Variants in RARA observed in about 807,000 individuals in gnomAD.
RARA encodes the protein PML-DDX5-RARA fusion.
RARA carries 5 observed loss-of-function variants against 42.8 expected under a neutral mutation model. The observed-to-expected ratio is 0.12, with a 90% CI of 0.06 to 0.25. RARA has a LOEUF of 0.25. Ranked by LOEUF, RARA falls within the 10% of genes least tolerant of loss-of-function variation. The pLI, the probability that RARA is intolerant of heterozygous loss-of-function variation, is 1.00. For synonymous variants in RARA, 256 were observed against 259.5 expected (o/e 0.99, Z 0.13); for missense variants, 402 against 628.7 (o/e 0.64, Z 3.86).
chr17:40,341,857 C>G, intron 2 of RARA: 1 of 1,041,642 alleles, frequency 9.6e-7, no homozygotes, highest in Non-Finnish European at 1.2e-6. Flanking sequence ...GCCCGCCCCT[C>G]TTCCGTCCTT....
At position 40,317,898 on chromosome 17, in the gene RARA, G is replaced by C. The variant is rs1170105717; in HGVS notation, c.-363+8612G>C. On this transcript the variant is annotated intron_variant, in intron 1 of 8. Transcript: ENST00000254066. ...GCCGCCGCCTCACTTCTCAGATTTAGGTGTGGGTGTGTGTGTGGTTGGGGG... is the reference window on the plus strand; with the variant it reads ...GCCGCCGCCTCACTTCTCAGATTTACGTGTGGGTGTGTGTGTGGTTGGGGG... Among the ~76,000 whole-genome samples the C allele has an allele frequency of 2.0e-5, 3 of 152,104 alleles. No individual in the cohort carries two copies. The East Asian group carries it at 5.8e-4, about 29-fold the overall frequency.
chr17:40,315,189 C>CACACACAA (rs1454556268), intron 1 of RARA, among the ~76,000 whole-genome samples: 8 of 143,390 alleles, frequency 5.6e-5, no homozygotes, highest in African/African-American at 1.8e-4. Flanking sequence ...CACACACACA[C>CACACACAA]ACACACGTAT....
At position 40,356,353 on chromosome 17, in the gene RARA, C is replaced by A; in HGVS notation, c.*127C>A. ...TCCCGGGCAGTACTGGGGACCTTCC[C>A]TGGGGGACGGGGAGGGAGGAGGCAG... On this transcript the variant is annotated 3_prime_UTR_variant, in exon 9 of 9. Transcript: ENST00000254066. 4 of 1,078,856 alleles carry A rather than the reference C, an allele frequency of 3.7e-6. No homozygotes were observed. Among genetic ancestry groups the A allele is most frequent in the Non-Finnish European group, 5.5e-6 (4 of 728,010 alleles). 66.8% of individuals were successfully genotyped at this position (1,078,856 alleles called of 1,614,324 possible). A position where few individuals can be genotyped will look rare whatever the true frequency, so the allele number is the denominator to read the frequency against.
intron 1 of RARA, among the ~76,000 whole-genome samples, chr17:40,311,707 G>A (rs1009451855): frequency 6.6e-6 from 1 of 152,142 alleles, no homozygotes; most frequent in African/African-American, 2.4e-5. Context: ...TGCCTGTGGT[G>A]CAGGGCTCCC....
intron 2 of RARA, chr17:40,343,089 A>G (rs1483657705): frequency 2.4e-6 from 2 of 822,040 alleles, no homozygotes; most frequent in Non-Finnish European, 3.3e-6. Flanking sequence ...AGGAACTTTG[A>G]GAGTTCCTTC....
chr17:40,321,919 C>G (rs1223330032), intron 1 of RARA, among the ~76,000 whole-genome samples: 1 of 152,146 alleles, frequency 6.6e-6, no homozygotes, highest in Non-Finnish European at 1.5e-5. Context: ...GGATGATGCC[C>G]CTGTCCTGCC....
chr17:40,355,935 G>T lies in RARA; in HGVS notation c.1172-74G>T, dbSNP rs993088963. Reference sequence around the variant, plus strand: ...TCAGCAGTATTGATCTTCCCACCTCGAGCCAGGCTTGCTGGGGCTGGGGGT... The same window carrying T: ...TCAGCAGTATTGATCTTCCCACCTCTAGCCAGGCTTGCTGGGGCTGGGGGT... On this transcript the variant is annotated intron_variant, in intron 8 of 8. Transcript: ENST00000254066. This position sits in a 1 kb window ranked among gnomAD's most constrained non-coding sequence, Gnocchi z 4.1. 35 of 1,346,690 alleles carry T rather than the reference G, an allele frequency of 2.6e-5. No individual in the cohort carries two copies. The highest frequency in any genetic ancestry group is 3.4e-5 in the Non-Finnish European group (33 of 983,038). 83.4% of individuals were successfully genotyped at this position (1,346,690 alleles called of 1,614,324 possible).
intron 1 of RARA, among the ~76,000 whole-genome samples, chr17:40,315,125 TA>T: frequency 1.5e-5 from 1 of 65,564 alleles, no homozygotes. Context: ...TATATATGCT[TA>T]TATGTGTATA....
In RARA at chr17:40,356,274, C is replaced by T. The variant is rs755468217; in HGVS notation, c.*48C>T. 8 of 1,522,894 alleles carry T rather than the reference C, an allele frequency of 5.3e-6. No homozygotes were observed. The highest frequency in any genetic ancestry group is 3.6e-6 in the Non-Finnish European group (4 of 1,124,338). 94.3% of individuals were successfully genotyped at this position (1,522,894 alleles called of 1,614,324 possible). The stretch of plus-strand genomic sequence containing the variant: ...GCCCTCGCCCTCCGCCCCGGCTTTT[C>T]TCTGCCTTTCTACCGACCATGTGAC... On this transcript the variant is annotated 3_prime_UTR_variant, in exon 9 of 9. Coordinates refer to ENST00000254066, the MANE Select transcript of RARA (RefSeq NM_000964.4).
In RARA at chr17:40,309,290, G is replaced by C. The variant is rs2033051261; in HGVS notation, c.-363+4G>C. On this transcript the variant is annotated splice_donor_region_variant and intron_variant, in intron 1 of 8. Transcript: ENST00000254066. Reference sequence around the variant, plus strand: ...CTGCCAGCACACACCTGAGCAGGTAGGACCATGCACACCCCTTCCCAATTC... The same window carrying C: ...CTGCCAGCACACACCTGAGCAGGTACGACCATGCACACCCCTTCCCAATTC... 6.6e-6 allele frequency: 1 copy of C among 152,498 alleles called. No homozygotes were observed. Among genetic ancestry groups the C allele is most frequent in the Non-Finnish European group, 1.5e-5 (1 of 68,248 alleles). 9.4% of individuals were successfully genotyped at this position (152,498 alleles called of 1,614,324 possible).
At chr17:40,317,908 T>C (rs577388719) in intron 1 of RARA, among the ~76,000 whole-genome samples, 47 of 152,214 alleles carry the variant, frequency 3.1e-4, no homozygotes, top group Non-Finnish European at 6.6e-4. Context: ...GGTGTGGGTG[T>C]GTGTGTGGTT....
At chr17:40,349,596 G>A (rs1218211594) in intron 3 of RARA, 188 bp from the exon 4 acceptor site, 2 of 657,410 alleles carry the variant, frequency 3.0e-6, no homozygotes, top group Non-Finnish European at 5.1e-6. Context: ...CAGGTACTGG[G>A]ATTCTCCTGA....
chr17:40,349,968 G>T (rs2034389889), intron 4 of RARA, 43 bp downstream of exon 4: 3 of 1,606,702 alleles, frequency 1.9e-6, no homozygotes, highest in African/African-American at 1.3e-5. Context: ...CTCAGTTGGG[G>T]TCTCAGATGC....
intron 2 of RARA, chr17:40,342,154 G>T: frequency 9.6e-7 from 1 of 1,046,206 alleles, no homozygotes; most frequent in Non-Finnish European, 1.2e-6. Context: ...GCTGGGGTGG[G>T]GGGGCCGTGG....
intron 1 of RARA, among the ~76,000 whole-genome samples, chr17:40,315,132 G>GTGTATATATA (rs1491257905): frequency 1.6e-5 from 1 of 64,194 alleles, no homozygotes; most frequent in Non-Finnish European, 2.7e-5. Flanking sequence ...GCTTATATGT[G>GTGTATATATA]TATATATATA....
intron 1 of RARA, among the ~76,000 whole-genome samples, chr17:40,317,262 C>T (rs1281231112): frequency 6.6e-6 from 1 of 152,032 alleles, no homozygotes; most frequent in Non-Finnish European, 1.5e-5. Flanking sequence ...ACTTCTCTGC[C>T]TGGGAACAGG....
chr17:40,345,504 C>A lies in RARA; in HGVS notation c.179-2812C>A, dbSNP rs936375450. On this transcript the variant is annotated intron_variant, in intron 2 of 8. Transcript: ENST00000254066. The surrounding 1 kb of genome is among the most constrained non-coding windows in gnomAD (Gnocchi z 4.8). ...GAACGGCTCGGGGGCGTGGGGAATC[C>A]GGAGTGGAGCGCTCTGCGCCGCCCG... Among the ~76,000 whole-genome samples the A allele has an allele frequency of 2.0e-5, 3 of 152,188 alleles. No homozygotes were observed. The highest frequency in any genetic ancestry group is 4.4e-5 in the Non-Finnish European group (3 of 68,014).
At chr17:40,328,684 C>T (rs1473892335) in intron 1 of RARA, among the ~76,000 whole-genome samples, 3 of 152,204 alleles carry the variant, frequency 2.0e-5, no homozygotes, top group Admixed American at 6.5e-5. Context: ...TGGAATCCTA[C>T]AATACATGGT....
intron 2 of RARA, among the ~76,000 whole-genome samples, chr17:40,346,897 G>A (rs1036708170): frequency 6.6e-6 from 1 of 152,374 alleles, no homozygotes; most frequent in African/African-American, 2.4e-5. Context: ...GCTGGCCTGG[G>A]AAGTGGTGCC....
Sources: gnomAD v4.1 joint callset for allele counts (sites outside exome capture counted in the v4.1 genomes callset) on GRCh38, gnomAD v4.1.1 for gene constraint, Gnocchi (gnomAD v3.1) non-coding constraint, MANE v1.5 for transcripts, NCBI Gene and HGNC (gene_info 2026-07-23, HGNC 2026-07-21) for gene names.